The following ACVR1C variants were observed in gnomAD, a reference collection of about 807,000 sequenced individuals.
ACVR1C encodes activin receptor type-1C.
ACVR1C carries 23 observed loss-of-function variants against 57.9 expected under a neutral mutation model. The observed-to-expected ratio is 0.40, with a 90% CI of 0.29 to 0.56. The LOEUF (loss-of-function observed/expected upper bound fraction) is 0.56, where lower values mean the gene tolerates loss of function less well. Among genes scored for constraint, ACVR1C ranks in the 20% least tolerant of loss-of-function variants. The pLI is 0.50. For missense variants in ACVR1C, 480 were observed against 607.9 expected, an observed-to-expected ratio of 0.79 and a Z score of 2.21; for synonymous variants, 214 against 215.3, an observed-to-expected ratio of 0.99 and a Z score of 0.05.
intron 1 of ACVR1C, among the ~76,000 whole-genome samples, chr2:157,613,469 T>C (rs202214349): frequency 1.5e-5 from 2 of 133,832 alleles, no homozygotes; most frequent in Admixed American, 8.6e-5. Flanking sequence ...CCAAATATTT[T>C]CAATCTGCCG....
rs933149501 is a variant in ACVR1C, at chr2:157,581,409, A to G, written c.304+5778T>C. On this transcript the variant is annotated intron_variant, in intron 2 of 8. Coordinates refer to ENST00000243349, the MANE Select transcript of ACVR1C (RefSeq NM_145259.3). Reference sequence around the variant, plus strand: ...CGAAATTACATGAAATCAGGAAGGAATTGTGAGGAGAATTGAGGGGGACTG... The same window carrying G: ...CGAAATTACATGAAATCAGGAAGGAGTTGTGAGGAGAATTGAGGGGGACTG... Among the ~76,000 whole-genome samples the G allele has an allele frequency of 1.3e-5, 2 of 151,996 alleles. 1 individual carries two copies. Among genetic ancestry groups the G allele is most frequent in the South Asian group, 4.2e-4 (2 of 4,800 alleles).
intron 1 of ACVR1C, among the ~76,000 whole-genome samples, chr2:157,597,779 C>A (rs1682171968): frequency 6.6e-6 from 1 of 152,158 alleles, no homozygotes; most frequent in Non-Finnish European, 1.5e-5. Context: ...TGTCTAGAAG[C>A]AAATCAATGC....
intron 1 of ACVR1C, among the ~76,000 whole-genome samples, chr2:157,613,924 A>T (rs60817942): frequency 0.029 from 4,425 of 152,258 alleles, 234 homozygotes; most frequent in African/African-American, 0.1. Context: ...AAGTTTATGT[A>T]GAATAGACAT....
intron 2 of ACVR1C, among the ~76,000 whole-genome samples, chr2:157,569,465 G>A: frequency 1.6e-5 from 1 of 61,478 alleles, no homozygotes. Flanking sequence ...TAGACCGCTA[G>A]CAAGACTAAT....
intron 4 of ACVR1C, among the ~76,000 whole-genome samples, chr2:157,549,261 A>T (rs547673004): frequency 6.6e-6 from 1 of 152,258 alleles, no homozygotes; most frequent in East Asian, 1.9e-4. Flanking sequence ...ATTACTTGGG[A>T]GGCTGAGGCA....
chr2:157,564,511 T>A (rs756991416), intron 2 of ACVR1C, among the ~76,000 whole-genome samples: 1 of 152,212 alleles, frequency 6.6e-6, no homozygotes, highest in Non-Finnish European at 1.5e-5. Flanking sequence ...TTGGTAGGAA[T>A]GTAAATTAGC....
intron 1 of ACVR1C, among the ~76,000 whole-genome samples, chr2:157,604,492 G>A (rs573008535): frequency 3.3e-5 from 5 of 151,774 alleles, no homozygotes; most frequent in South Asian, 2.1e-4. Context: ...AAGGACATTT[G>A]GTTTTTTCCC....
At chr2:157,548,795 A>G (rs1687834044) in intron 4 of ACVR1C, among the ~76,000 whole-genome samples, 1 of 152,224 alleles carries the variant, frequency 6.6e-6, no homozygotes, top group Non-Finnish European at 1.5e-5. Flanking sequence ...ACTACTTGGC[A>G]CCGTTAATGG....
chr2:157,533,983 G>A lies in ACVR1C; in HGVS notation c.1417C>T (p.Leu473=). The part of the protein sequence containing the change: ...ECWYANGAAR[L]TALRIKKTIS... ...GTCTTCTTAATACGAAGAGCAGTTA[G>A]GCGGGCCGCTCCGTTGGCATACCAA... Residue 473 remains leucine, a synonymous_variant, in exon 9 of 9, where the codon CTA becomes TTA. Transcript: ENST00000243349. 1 of 1,598,936 alleles carries A rather than the reference G, an allele frequency of 6.3e-7. No individual in the cohort carries two copies. Among genetic ancestry groups the A allele is most frequent in the Non-Finnish European group, 8.5e-7 (1 of 1,173,568 alleles).
intron 1 of ACVR1C, among the ~76,000 whole-genome samples, chr2:157,615,915 T>C (rs1170185379): frequency 6.6e-6 from 1 of 152,232 alleles, no homozygotes; most frequent in Admixed American, 6.5e-5. Flanking sequence ...TAATGCAAGC[T>C]GCCTTCAAGA....
At chr2:157,605,877 T>C (rs567456782) in intron 1 of ACVR1C, among the ~76,000 whole-genome samples, 249 of 151,782 alleles carry the variant, frequency 1.6e-3, no homozygotes, top group Non-Finnish European at 2.3e-3. Context: ...TAATCTGCTA[T>C]CAAACATTAG....
chr2:157,611,391 C>A (rs1419854657), intron 1 of ACVR1C, among the ~76,000 whole-genome samples: 2 of 152,040 alleles, frequency 1.3e-5, no homozygotes, highest in Admixed American at 1.3e-4. Flanking sequence ...CCAGGTGGGT[C>A]GGTCTTTAGG....
At chr2:157,551,329 C>T (rs528196196) in intron 3 of ACVR1C, among the ~76,000 whole-genome samples, 1 of 152,148 alleles carries the variant, frequency 6.6e-6, no homozygotes, top group Non-Finnish European at 1.5e-5. Flanking sequence ...GCACCTAGCA[C>T]AGTATCTGGC....
chr2:157,551,721 A>C (rs1168772947), intron 3 of ACVR1C, among the ~76,000 whole-genome samples: 1 of 152,246 alleles, frequency 6.6e-6, no homozygotes, highest in Non-Finnish European at 1.5e-5. Flanking sequence ...TTTATTCTGA[A>C]AAGTCACATT....
chr2:157,554,247 GAAAGAAAGAAAGAAAGAAAGA>G (rs1314803897), intron 3 of ACVR1C, among the ~76,000 whole-genome samples: 15 of 121,046 alleles, frequency 1.2e-4, no homozygotes, highest in South Asian at 5.0e-4. Flanking sequence ...AAGAAAGAAA[GAAAGAAAGAAAGAAAGAAAGA>G]AAGGAAGGAA....
chr2:157,538,530 C>CA, intron 8 of ACVR1C, 43 bp downstream of exon 8: 1 of 1,488,416 alleles, frequency 6.7e-7, no homozygotes, highest in Non-Finnish European at 8.9e-7. Context: ...ATACTCACCT[C>CA]AAAAATATAA....
At chr2:157,585,598 A>T (rs1249079690) in intron 2 of ACVR1C, among the ~76,000 whole-genome samples, 1 of 152,140 alleles carries the variant, frequency 6.6e-6, no homozygotes, top group Non-Finnish European at 1.5e-5. Flanking sequence ...GATACATTAC[A>T]AGTCACTGCC....
intron 1 of ACVR1C, among the ~76,000 whole-genome samples, chr2:157,592,177 G>C (rs1303989593): frequency 6.6e-6 from 1 of 151,964 alleles, no homozygotes; most frequent in African/African-American, 2.4e-5. Flanking sequence ...CATGTGCCTT[G>C]CATCTAAAAT....
At chr2:157,624,999 G>A (rs1358575847) in intron 1 of ACVR1C, among the ~76,000 whole-genome samples, 1 of 152,124 alleles carries the variant, frequency 6.6e-6, no homozygotes, top group Non-Finnish European at 1.5e-5. Context: ...TGCCTTATTT[G>A]CTAAGTCTGT....
Sources: gnomAD v4.1 joint callset for allele counts (sites outside exome capture counted in the v4.1 genomes callset) on GRCh38, gnomAD v4.1.1 for gene constraint, MANE v1.5 for transcripts, NCBI Gene and HGNC (gene_info 2026-07-23, HGNC 2026-07-21) for gene names.